CORIN: variants seen among roughly 807,000 people sequenced by gnomAD.
The protein encoded by CORIN is atrial natriuretic peptide-converting enzyme.
CORIN carries 117 observed loss-of-function variants against 125.3 expected under a neutral mutation model. The ratio of observed to expected loss-of-function variants is 0.93; its 90% CI spans 0.80 to 1.09. The LOEUF is 1.09. Ranked by LOEUF, CORIN falls within the 50% of genes least tolerant of loss-of-function variation. The pLI is 0.00. For missense variants in CORIN, 1,253 were observed against 1,306.7 expected (o/e 0.96, Z 0.63); for synonymous variants, 450 against 466.4 (o/e 0.96, Z 0.45).
At chr4:47,706,771 C>T (rs139853367) in intron 5 of CORIN, 36,174 of 1,598,666 alleles carry the variant, frequency 0.023, 521 homozygotes, top group Middle Eastern at 0.046. Flanking sequence ...TTGAGGTTAT[C>T]CTCATTGATC....
intron 12 of CORIN, among the ~76,000 whole-genome samples, chr4:47,656,754 T>C (rs2109652398): frequency 6.6e-6 from 1 of 152,286 alleles, no homozygotes; most frequent in Middle Eastern, 3.4e-3. Flanking sequence ...ACCACTGTTA[T>C]TCAACATAGT....
rs775628393 is a variant in CORIN, at chr4:47,683,800, A to T, written c.952T>A (p.Cys318Ser). ...TCACACACAAGGCTGTAATTAAGGC[A>T]CTTGCCTGTGTGACAGTGAAACAGA... ...ENLFHCHTGK[C>S]LNYSLVCDGY... The change falls in exon 7 of 22, where the codon TGC (cysteine) becomes AGC (serine). Residue 318 changes from cysteine to serine, a missense_variant. Transcript: ENST00000273857. The T allele has an allele frequency of 3.1e-6, 5 of 1,613,720 alleles. No homozygotes were observed. The South Asian group carries it at 5.5e-5, about 18-fold the overall frequency.
At chr4:47,650,078 G>A (rs1284063533) in intron 13 of CORIN, among the ~76,000 whole-genome samples, 2 of 152,154 alleles carry the variant, frequency 1.3e-5, no homozygotes, top group African/African-American at 2.4e-5. Flanking sequence ...TGTAAAACCC[G>A]TAAATATCAG....
chr4:47,815,077 G>C (rs1375630036), intron 1 of CORIN, among the ~76,000 whole-genome samples: 2 of 152,128 alleles, frequency 1.3e-5, no homozygotes, highest in Non-Finnish European at 2.9e-5. Context: ...AACTGTGAGA[G>C]ACGAGATTGG....
chr4:47,692,877 G>T, intron 6 of CORIN, 93 bp downstream of exon 6: 1 of 936,996 alleles, frequency 1.1e-6, no homozygotes, highest in Non-Finnish European at 1.7e-6. Context: ...CTTTAGAAAG[G>T]CAAACAAAAA....
intron 10 of CORIN, among the ~76,000 whole-genome samples, chr4:47,672,537 G>A (rs60585372): frequency 0.074 from 11,206 of 152,030 alleles, 503 homozygotes; most frequent in East Asian, 0.19. Context: ...GTGAAGTAAG[G>A]AAATCGCTCT....
At chr4:47,796,411 C>T (rs535594978) in intron 2 of CORIN, among the ~76,000 whole-genome samples, 99 of 151,966 alleles carry the variant, frequency 6.5e-4, no homozygotes, top group African/African-American at 2.3e-3. Context: ...AGCAGAATGG[C>T]GATTGCCAGA....
chr4:47,700,974 T>A (rs1726267279), intron 5 of CORIN, among the ~76,000 whole-genome samples: 1 of 152,248 alleles, frequency 6.6e-6, no homozygotes, highest in South Asian at 2.1e-4. Context: ...GATGGTGCTA[T>A]TATACTGATG....
chr4:47,748,260 G>A (rs61762935), intron 4 of CORIN, among the ~76,000 whole-genome samples: 8 of 152,214 alleles, frequency 5.3e-5, no homozygotes, highest in African/African-American at 7.2e-5. Context: ...ATGGAACAGC[G>A]TGGTGAGATA....
chr4:47,703,099 G>A (rs1726384646), intron 5 of CORIN, among the ~76,000 whole-genome samples: 1 of 152,086 alleles, frequency 6.6e-6, no homozygotes, highest in Non-Finnish European at 1.5e-5. Context: ...TGGTACTGTA[G>A]GACCTCAACT....
chr4:47,682,319 G>A (rs149211111), intron 7 of CORIN: 7,524 of 152,052 alleles, frequency 0.049, 615 homozygotes, highest in African/African-American at 0.17. Flanking sequence ...GCACACACCT[G>A]TAGTCCCAAG....
intron 3 of CORIN, among the ~76,000 whole-genome samples, chr4:47,772,117 G>GTAGA (rs1314923052): frequency 1.1e-5 from 1 of 93,282 alleles, no homozygotes; most frequent in East Asian, 3.6e-4. Flanking sequence ...AGATAGATAG[G>GTAGA]TAGATAGATA....
At position 47,678,006 on chromosome 4, in the gene CORIN, G is replaced by C. The variant is rs1360575658; in HGVS notation, c.1181C>G (p.Pro394Arg). The C allele has an allele frequency of 6.2e-7, 1 of 1,614,010 alleles. No homozygotes were observed. The highest frequency in any genetic ancestry group is 8.5e-7 in the Non-Finnish European group (1 of 1,179,956). The change falls in exon 9 of 22, where the codon CCC (proline) becomes CGC (arginine). Residue 394 changes from proline (P) to arginine (R), a missense_variant. Transcript: ENST00000273857. ...LVECRNGQCI[P>R]STFQCDGDED... ...GTCACCATCACATTGAAACGTGCTG[G>C]GGATACATTGTCCATTTCTGCATTC... is the stretch of plus-strand genomic sequence containing the variant.
At chr4:47,619,068 G>A (rs1459992058) in intron 19 of CORIN, among the ~76,000 whole-genome samples, 2 of 152,078 alleles carry the variant, frequency 1.3e-5, no homozygotes, top group Non-Finnish European at 2.9e-5. Context: ...TGCCAGCCTA[G>A]GAAGTTCATT....
intron 20 of CORIN, among the ~76,000 whole-genome samples, chr4:47,601,590 A>C (rs947181562): frequency 6.6e-6 from 1 of 151,904 alleles, no homozygotes; most frequent in African/African-American, 2.4e-5. Context: ...GCTATACTAC[A>C]TGTGTGGAGT....
intron 1 of CORIN, among the ~76,000 whole-genome samples, chr4:47,810,608 A>C (rs1392219946): frequency 6.6e-6 from 1 of 152,196 alleles, no homozygotes; most frequent in Admixed American, 6.5e-5. Context: ...TTGAGAGGTC[A>C]AAATTTCAGA....
intron 4 of CORIN, among the ~76,000 whole-genome samples, chr4:47,750,146 A>C (rs1406410261): frequency 6.6e-6 from 1 of 152,194 alleles, no homozygotes; most frequent in Non-Finnish European, 1.5e-5. Flanking sequence ...ATAAGCGAAC[A>C]GCATTGGTTT....
intron 10 of CORIN, among the ~76,000 whole-genome samples, chr4:47,671,653 C>T (rs1168248228): frequency 6.6e-6 from 1 of 152,160 alleles, no homozygotes; most frequent in East Asian, 1.9e-4. Context: ...GGCACGGTCT[C>T]AGCTCACTGC....
At chr4:47,635,768 G>T (rs1434616189) in intron 16 of CORIN, among the ~76,000 whole-genome samples, 1 of 152,180 alleles carries the variant, frequency 6.6e-6, no homozygotes, top group Non-Finnish European at 1.5e-5. Flanking sequence ...GTAAAAGCCA[G>T]ATTGCAGTAG....
Sources: gnomAD v4.1 joint callset for allele counts (sites outside exome capture counted in the v4.1 genomes callset) on GRCh38, gnomAD v4.1.1 for gene constraint, MANE v1.5 for transcripts, NCBI Gene and HGNC (gene_info 2026-07-23, HGNC 2026-07-21) for gene names.